The following DLG2 variants were observed in gnomAD, a reference collection of about 807,000 sequenced individuals.
DLG2 encodes the protein disks large homolog 2.
In DLG2, 45 loss-of-function variants were observed where a neutral mutation model predicts 132.5. The observed-to-expected ratio is 0.34, with a 90% CI of 0.27 to 0.44. The LOEUF (loss-of-function observed/expected upper bound fraction) is 0.44. Ranked by LOEUF, DLG2 falls within the 20% of genes least tolerant of loss-of-function variation. DLG2 has a pLI of 1.00. For synonymous variants in DLG2, 424 were observed against 419.6 expected (o/e 1.01, Z -0.13); for missense variants, 1,045 against 1,196.9 (o/e 0.87, Z 1.87).
intron 19 of DLG2, among the ~76,000 whole-genome samples, chr11:83,549,294 T>C (rs1488687231): frequency 1.3e-5 from 2 of 152,274 alleles, no homozygotes; most frequent in Admixed American, 6.5e-5. Flanking sequence ...AGCATAGATG[T>C]TGGAATGAAG....
intron 19 of DLG2, among the ~76,000 whole-genome samples, chr11:83,546,406 C>A (rs528079805): frequency 1.8e-4 from 28 of 152,222 alleles, no homozygotes; most frequent in Admixed American, 5.9e-4. Flanking sequence ...CTTAGATAAC[C>A]ACTTTACCAT....
intron 9 of DLG2, among the ~76,000 whole-genome samples, chr11:84,162,987 A>G (rs1278977743): frequency 6.6e-6 from 1 of 152,228 alleles, no homozygotes; most frequent in African/African-American, 2.4e-5. Context: ...CCCTACCAGC[A>G]TATTTGCAGA....
intron 8 of DLG2, among the ~76,000 whole-genome samples, chr11:84,174,356 C>T (rs1198163089): frequency 6.6e-6 from 1 of 151,958 alleles, no homozygotes; most frequent in Non-Finnish European, 1.5e-5. Flanking sequence ...TTTTACTGCT[C>T]AAGTAGCTTC....
rs554041271 is a variant in DLG2 at position 84,286,762 on chromosome 11, T to C, written c.520-35471A>G. On this transcript the variant is annotated intron_variant, in intron 7 of 27. Coordinates refer to ENST00000376104, the MANE Select transcript of DLG2 (RefSeq NM_001142699.3). ...ACAGGGAATGCTGTTGAGAGGTAAA[T>C]TTGACTCAGAGATGCCCCTGAGCCA... Among the ~76,000 whole-genome samples the C allele has an allele frequency of 3.9e-5, 6 of 152,284 alleles. No individual in the cohort carries two copies. In the South Asian group the frequency reaches 1.2e-3, roughly 32 times the overall value.
chr11:85,107,615 T>A (rs1265742116), intron 6 of DLG2, among the ~76,000 whole-genome samples: 1 of 152,026 alleles, frequency 6.6e-6, no homozygotes, highest in Non-Finnish European at 1.5e-5. Flanking sequence ...ACTGTGGACA[T>A]TTTCTCAATT....
intron 3 of DLG2, among the ~76,000 whole-genome samples, chr11:85,510,635 T>G (rs1197813756): frequency 1.3e-5 from 2 of 152,172 alleles, no homozygotes; most frequent in Non-Finnish European, 2.9e-5. Flanking sequence ...TCATCATCAC[T>G]GGCCATCAGA....
At chr11:84,920,560 C>T (rs566872893) in intron 6 of DLG2, among the ~76,000 whole-genome samples, 11 of 152,176 alleles carry the variant, frequency 7.2e-5, no homozygotes, top group South Asian at 4.1e-4. Flanking sequence ...TGTCTTTTTC[C>T]GACTGGAAGC....
intron 16 of DLG2, among the ~76,000 whole-genome samples, chr11:83,843,069 A>G (rs10898158): frequency 0.33 from 49,889 of 152,036 alleles, 8,938 homozygotes; most frequent in Middle Eastern, 0.5. Flanking sequence ...GGATCTGTGT[A>G]CCTTTTAGGA....
At chr11:84,500,225 T>A (rs78940190) in intron 7 of DLG2, among the ~76,000 whole-genome samples, 1 of 152,014 alleles carries the variant, frequency 6.6e-6, no homozygotes, top group African/African-American at 2.4e-5. Context: ...AAGAACATTC[T>A]CCTGTGAGCT....
At chr11:83,846,958 A>T (rs911381241) in intron 16 of DLG2, among the ~76,000 whole-genome samples, 1 of 151,486 alleles carries the variant, frequency 6.6e-6, no homozygotes, top group African/African-American at 2.4e-5. Flanking sequence ...AAAAAAAAAA[A>T]AAGGATTACC....
rs1566633217 is a variant in DLG2 at position 84,130,528 on chromosome 11, A to ACG, written c.625-31482_625-31481insCG. Among the ~76,000 whole-genome samples the ACG allele has an allele frequency of 4.4e-5, 6 of 136,148 alleles. No individual in the cohort carries two copies. The East Asian group carries it at 1.2e-3, about 27-fold the overall frequency. 89.3% of individuals were successfully genotyped at this position (136,148 alleles called of 152,430 possible). A position where few individuals can be genotyped will look rare whatever the true frequency, so the allele number is the denominator to read the frequency against. On this transcript the variant is annotated intron_variant, in intron 9 of 27. Coordinates refer to ENST00000376104, the MANE Select transcript of DLG2 (RefSeq NM_001142699.3). ...TATACACACACACACACACACATAT[A>ACG]TGTGTGTGTGTATATATATATAAAG...
At chr11:84,398,737 T>C (rs1483917178) in intron 7 of DLG2, among the ~76,000 whole-genome samples, 10 of 151,040 alleles carry the variant, frequency 6.6e-5, no homozygotes, top group Non-Finnish European at 1.3e-4. Context: ...AAAAAAAGAG[T>C]TGGTGATGGG....
intron 3 of DLG2, among the ~76,000 whole-genome samples, chr11:85,295,252 A>T (rs939576787): frequency 1.9e-4 from 29 of 152,130 alleles, no homozygotes; most frequent in Admixed American, 1.8e-3. Flanking sequence ...ACTATATGTA[A>T]TCTGTATGAG....
intron 6 of DLG2, among the ~76,000 whole-genome samples, chr11:84,586,642 T>G (rs2099530638): frequency 6.6e-6 from 1 of 152,140 alleles, no homozygotes; most frequent in Admixed American, 6.5e-5. Context: ...ACTATTTTTC[T>G]ATATTATTTT....
At chr11:85,374,366 A>G (rs559058943) in intron 3 of DLG2, among the ~76,000 whole-genome samples, 23 of 152,224 alleles carry the variant, frequency 1.5e-4, no homozygotes, top group Non-Finnish European at 2.8e-4. Flanking sequence ...ATTTGAATGG[A>G]TGTTGTTGAA....
intron 6 of DLG2, among the ~76,000 whole-genome samples, chr11:84,911,967 G>A (rs187935975): frequency 1.6e-4 from 24 of 152,118 alleles, no homozygotes; most frequent in Middle Eastern, 3.4e-3. Flanking sequence ...GTAAGACTAA[G>A]CATCATTTTA....
chr11:84,149,011 T>C (rs1405016574), intron 9 of DLG2, among the ~76,000 whole-genome samples: 4 of 152,216 alleles, frequency 2.6e-5, no homozygotes, highest in African/African-American at 9.6e-5. Flanking sequence ...GCTACTTGTA[T>C]GACTTCTCTT....
intron 10 of DLG2, among the ~76,000 whole-genome samples, chr11:84,087,336 A>T (rs1403992961): frequency 6.6e-6 from 1 of 152,138 alleles, no homozygotes; most frequent in African/African-American, 2.4e-5. Context: ...CTTTTTTATT[A>T]TAGCCATTCT....
intron 8 of DLG2, among the ~76,000 whole-genome samples, chr11:84,195,448 G>A (rs1439197241): frequency 6.6e-6 from 1 of 152,178 alleles, no homozygotes; most frequent in African/African-American, 2.4e-5. Context: ...ACAGGCATAA[G>A]CTACCGTGCC....
Sources: allele counts gnomAD v4.1 joint callset (sites outside exome capture counted in the v4.1 genomes callset), GRCh38; gene constraint gnomAD v4.1.1; transcripts MANE v1.5; gene names NCBI Gene and HGNC (gene_info 2026-07-23, HGNC 2026-07-21).